TEX11: variants seen among roughly 807,000 people sequenced by gnomAD.
The protein encoded by TEX11 is testis-expressed protein 11.
A neutral mutation model predicts 84.4 loss-of-function variants in TEX11; 7 were observed. That is an observed-to-expected ratio of 0.08 (90% CI 0.05 to 0.16). The LOEUF (loss-of-function observed/expected upper bound fraction) is 0.16. TEX11 is among the 10% of genes least tolerant of loss of function. The pLI, the probability that TEX11 is intolerant of heterozygous loss-of-function variation, is 1.00. For missense variants in TEX11, 551 were observed against 660.5 expected, an observed-to-expected ratio of 0.83 and a Z score of 1.82; for synonymous variants, 264 against 222.8, an observed-to-expected ratio of 1.18 and a Z score of -1.64.
intron 15 of TEX11, among the ~76,000 whole-genome samples, chrX:70,675,539 CTTTT>C (rs2090063239): frequency 9.2e-6 from 1 of 109,037 alleles, no homozygotes; most frequent in Admixed American, 9.7e-5. Context: ...ACCTTTCTTT[CTTTT>C]CTTTTTCTTT....
intron 16 of TEX11, among the ~76,000 whole-genome samples, chrX:70,665,228 T>A (rs2089967153): frequency 9.0e-6 from 1 of 111,169 alleles, no homozygotes; most frequent in African/African-American, 3.3e-5. Flanking sequence ...AATTGTGCAT[T>A]CCCATTAACT....
At chrX:70,561,247 T>C (rs1034347689) in intron 25 of TEX11, among the ~76,000 whole-genome samples, 1 of 109,660 alleles carries the variant, frequency 9.1e-6, no homozygotes, top group Admixed American at 9.9e-5. Flanking sequence ...TCTTTCATTA[T>C]AGATTACTAG....
At chrX:70,559,494 G>C (rs993657456) in intron 25 of TEX11, among the ~76,000 whole-genome samples, 5 of 112,055 alleles carry the variant, frequency 4.5e-5, no homozygotes, top group African/African-American at 1.6e-4. Context: ...AGTGGTGGTT[G>C]CACATATCTG....
chrX:70,645,001 A>C (rs1179274423), intron 17 of TEX11, among the ~76,000 whole-genome samples: 1 of 111,106 alleles, frequency 9.0e-6, no homozygotes, highest in Non-Finnish European at 1.9e-5. Flanking sequence ...AATATAAAAA[A>C]TCATGCGACT....
chrX:70,629,794 T>C, intron 17 of TEX11, 59 bp from the exon 18 acceptor site: 2 of 798,055 alleles, frequency 2.5e-6, no homozygotes, highest in Non-Finnish European at 3.5e-6. Context: ...ATTACATATC[T>C]ATGGTTAATT....
intron 28 of TEX11, among the ~76,000 whole-genome samples, chrX:70,548,051 A>C (rs183889036): frequency 3.4e-4 from 38 of 112,093 alleles, no homozygotes; most frequent in African/African-American, 1.2e-3. Flanking sequence ...TGGATTAAGA[A>C]AATTGGCACA....
chrX:70,594,742 T>C (rs926699536), intron 24 of TEX11, among the ~76,000 whole-genome samples: 5 of 110,932 alleles, frequency 4.5e-5, no homozygotes, highest in African/African-American at 1.6e-4. Context: ...GTTTCCCCCA[T>C]GCTATTCTCG....
At chrX:70,906,116 T>A (rs866879180) in intron 2 of TEX11, among the ~76,000 whole-genome samples, 1 of 48,657 alleles carries the variant, frequency 2.1e-5, no homozygotes, top group Admixed American at 2.9e-4. Flanking sequence ...TATATATATA[T>A]ATATATATAT....
At chrX:70,893,567 G>C (rs1434878689) in intron 2 of TEX11, among the ~76,000 whole-genome samples, 3 of 111,724 alleles carry the variant, frequency 2.7e-5, no homozygotes, top group Non-Finnish European at 5.6e-5. Context: ...CTGGGACACA[G>C]CTAAAGCAGT....
rs6525433 is a variant in TEX11 at position 70,853,309 on chromosome X, T to C, written c.344A>G (p.Lys115Arg). The change falls in exon 6 of 30, where the codon AAA (lysine) becomes AGA (arginine). Residue 115 changes from lysine (K) to arginine (R), a missense_variant. Physicochemically the swap from Lys to Arg is conservative, Grantham distance 26. Transcript: ENST00000374333. Reference protein sequence around the residue: ...RLIMMNMRIGKEWLDAGNFLI... With the variant: ...RLIMMNMRIGREWLDAGNFLI... ...AAAATTTCCAGCATCCAACCATTCT[T>C]TTCCTATTCTCATATTCATCTAGAA... The C allele has an allele frequency of 0.055, 66,321 of 1,196,898 alleles. 6,222 individuals are homozygous for C. The highest frequency in any genetic ancestry group is 0.37 in the African/African-American group (20,712 of 56,626).
At chrX:70,778,584 A>G (rs1233368775) in intron 9 of TEX11, among the ~76,000 whole-genome samples, 1 of 111,151 alleles carries the variant, frequency 9.0e-6, no homozygotes, top group Admixed American at 9.6e-5. Context: ...CCTCCCAAGG[A>G]GCTGGAACTA....
At chrX:70,806,484 AAAAG>A (rs369569732) in intron 9 of TEX11, among the ~76,000 whole-genome samples, 3 of 110,805 alleles carry the variant, frequency 2.7e-5, no homozygotes, top group Admixed American at 9.7e-5. Flanking sequence ...AAGAAAGGAA[AAAAG>A]AAAGAAAGAA....
intron 28 of TEX11, among the ~76,000 whole-genome samples, chrX:70,533,460 G>T (rs988580776): frequency 6.2e-5 from 7 of 112,039 alleles, no homozygotes; most frequent in Non-Finnish European, 9.4e-5. Context: ...GTAGCAAAGA[G>T]TAGAGAATAT....
chrX:70,786,293 G>A (rs1017424683), intron 9 of TEX11, among the ~76,000 whole-genome samples: 1 of 110,641 alleles, frequency 9.0e-6, no homozygotes. Context: ...CACAGGGTGG[G>A]GAACATCACA....
intron 9 of TEX11, among the ~76,000 whole-genome samples, chrX:70,747,289 A>G (rs967640751): frequency 5.3e-5 from 6 of 112,239 alleles, no homozygotes; most frequent in Admixed American, 3.8e-4. Flanking sequence ...ATGTGGATGC[A>G]GGGGTGACTC....
chrX:70,570,234 TGCGCCATTTTTTAAGCCCGTCAGAAAA>T (rs1226337503), intron 25 of TEX11, among the ~76,000 whole-genome samples: 1 of 112,201 alleles, frequency 8.9e-6, no homozygotes, highest in Non-Finnish European at 1.9e-5. Context: ...AATCTCCTGG[TGCGCCATTTTTTAAGCCCGTCAGAAAA>T]GCGCAGTATT....
intron 23 of TEX11, among the ~76,000 whole-genome samples, chrX:70,605,824 A>C (rs991688589): frequency 9.0e-6 from 1 of 111,555 alleles, no homozygotes; most frequent in Non-Finnish European, 1.9e-5. Flanking sequence ...TTCTTGGTTT[A>C]TGTTGTAATT....
intron 25 of TEX11, among the ~76,000 whole-genome samples, chrX:70,584,104 C>T (rs2147485298): frequency 9.4e-6 from 1 of 106,455 alleles, no homozygotes; most frequent in East Asian, 2.9e-4. Flanking sequence ...AAGGTGAAAC[C>T]CCGTCTCTAC....
At chrX:70,548,418 T>G (rs2147942926) in intron 28 of TEX11, among the ~76,000 whole-genome samples, 1 of 107,752 alleles carries the variant, frequency 9.3e-6, no homozygotes, top group East Asian at 3.0e-4. Flanking sequence ...TAAAGTATAA[T>G]AATAATAAAA....
Sources: gnomAD v4.1 joint callset for allele counts (sites outside exome capture counted in the v4.1 genomes callset) on GRCh38, gnomAD v4.1.1 for gene constraint, MANE v1.5 for transcripts, NCBI Gene and HGNC (gene_info 2026-07-23, HGNC 2026-07-21) for gene names.